Variants in TRPM6 observed in about 807,000 individuals in gnomAD.
TRPM6 encodes channel kinase 2.
A neutral mutation model predicts 247.6 loss-of-function variants in TRPM6; 111 were observed. That is an observed-to-expected ratio of 0.45 (90% CI 0.38 to 0.52). The LOEUF (loss-of-function observed/expected upper bound fraction) is 0.52. Ranked by LOEUF, TRPM6 falls within the 20% of genes least tolerant of loss-of-function variation. The pLI, the probability that TRPM6 is intolerant of heterozygous loss-of-function variation, is 0.00. For synonymous variants in TRPM6, 892 were observed against 853.8 expected, an observed-to-expected ratio of 1.04 and a Z score of -0.78; for missense variants, 2,126 against 2,421.5, an observed-to-expected ratio of 0.88 and a Z score of 2.56.
intron 28 of TRPM6, among the ~76,000 whole-genome samples, chr9:74,755,143 C>T (rs1172347798): frequency 6.6e-6 from 1 of 152,160 alleles, no homozygotes; most frequent in Non-Finnish European, 1.5e-5. Flanking sequence ...CTTAATTTTT[C>T]TTTTCTGGAG....
At chr9:74,829,167 C>T (rs761677830) in intron 6 of TRPM6, among the ~76,000 whole-genome samples, 1 of 152,022 alleles carries the variant, frequency 6.6e-6, no homozygotes, top group Non-Finnish European at 1.5e-5. Context: ...GTGGCATGCG[C>T]CTGTAGTCCA....
At chr9:74,736,242 C>T (rs1370259246) in intron 36 of TRPM6, among the ~76,000 whole-genome samples, 1 of 152,160 alleles carries the variant, frequency 6.6e-6, no homozygotes, top group Non-Finnish European at 1.5e-5. Context: ...AAGGTGGTTG[C>T]TCCTCCGTGT....
intron 1 of TRPM6, among the ~76,000 whole-genome samples, chr9:74,870,281 C>G (rs1203375618): frequency 2.6e-5 from 4 of 152,144 alleles, no homozygotes; most frequent in African/African-American, 4.8e-5. Context: ...TCCTGAAACA[C>G]AGCATTGCAG....
chr9:74,792,644 C>A lies in TRPM6; in HGVS notation c.2518G>T (p.Val840Phe). Residue 840 changes from valine to phenylalanine, a missense_variant, in exon 19 of 39, where the codon GTC becomes TTC. Val to Phe is a conservative substitution (Grantham distance 50). Transcript: ENST00000360774. ...CCAACCGTATAAAACCAAAACTTGA[C>A]AATTGGAGCACTGTAGAACTCATAG... The part of the protein sequence containing the change: ...KVYEFYSAPI[V>F]KFWFYTMAYL... 1 of 1,614,092 alleles carries A rather than the reference C, an allele frequency of 6.2e-7. No homozygotes were observed. Among genetic ancestry groups the A allele is most frequent in the Non-Finnish European group, 8.5e-7 (1 of 1,179,998 alleles).
chr9:74,796,947 T>A, intron 17 of TRPM6, 54 bp from the exon 18 acceptor site: 1 of 1,470,718 alleles, frequency 6.8e-7, no homozygotes, highest in Non-Finnish European at 9.5e-7. Context: ...AAGCACATAC[T>A]AGACAAATAA....
intron 31 of TRPM6, among the ~76,000 whole-genome samples, chr9:74,747,572 G>A (rs1348563478): frequency 1.3e-5 from 2 of 152,174 alleles, no homozygotes; most frequent in Admixed American, 6.5e-5. Flanking sequence ...CTCTTAATGA[G>A]TAATGTGTGA....
intron 6 of TRPM6, among the ~76,000 whole-genome samples, chr9:74,831,528 A>G (rs1160022797): frequency 1.3e-5 from 2 of 152,256 alleles, no homozygotes; most frequent in Middle Eastern, 6.8e-3. Flanking sequence ...GTCCCACTAA[A>G]AGCAAACAGC....
Position 74,738,457 on chromosome 9 carries a change from T to C in TRPM6, c.5726A>G (p.His1909Arg), listed in dbSNP as rs1480250286. 6.2e-7 allele frequency: 1 copy of C among 1,614,090 alleles called. No homozygotes were observed. Among genetic ancestry groups the C allele is most frequent in the South Asian group, 1.1e-5 (1 of 91,082 alleles). The change falls in exon 36 of 39, where the codon CAC becomes CGC. Residue 1909 changes from histidine (H) to arginine (R), a missense_variant. Transcript: ENST00000360774. The part of the protein sequence containing the change: ...TLEELMLAFS[H>R]WTYEYTRGEL... ...TCCCCGAGTGTACTCATAGGTCCAGTGAGAGAAAGCCAACATCAGCTCCTC... is the reference window on the plus strand; with the variant it reads ...TCCCCGAGTGTACTCATAGGTCCAGCGAGAGAAAGCCAACATCAGCTCCTC...
In TRPM6 at chr9:74,871,239, C is replaced by G. The variant is rs145224018; in HGVS notation, c.34-12491G>C. On this transcript the variant is annotated intron_variant, in intron 1 of 38. Coordinates refer to ENST00000360774, the MANE Select transcript of TRPM6 (RefSeq NM_017662.5). ...AATCCGGGAAGTACATCAGGTGATA[C>G]AGGGAAAAGTTAAATTTCCCTCCCA... 2.1e-3 allele frequency among the ~76,000 whole-genome samples: 324 copies of G among 152,238 alleles called. 1 individual carries two copies. Among genetic ancestry groups the G allele is most frequent in the Non-Finnish European group, 3.9e-3 (265 of 68,020 alleles).
intron 29 of TRPM6, among the ~76,000 whole-genome samples, chr9:74,751,643 C>T (rs1826250321): frequency 6.6e-6 from 1 of 152,136 alleles, no homozygotes. Flanking sequence ...CAAAACAAGG[C>T]CCATATTTTT....
chr9:74,776,173 C>T, intron 23 of TRPM6, 97 bp from the exon 24 acceptor site: 2 of 1,062,338 alleles, frequency 1.9e-6, no homozygotes, highest in Non-Finnish European at 2.9e-6. Flanking sequence ...GCTCACCTGA[C>T]ATTACCGGCA....
chr9:74,762,625 G>C lies in TRPM6; in HGVS notation c.4046C>G (p.Ser1349Cys), dbSNP rs770245807. The change falls in exon 26 of 39, where the codon TCT (serine) becomes TGT (cysteine). Residue 1349 changes from serine to cysteine, a missense_variant. By Grantham distance (112) the Ser-to-Cys change is moderately radical. This residue lies in a region of TRPM6 where 717 missense variants were observed against 715.9 expected (regional missense o/e 1.00). Transcript: ENST00000360774. ...TGAAAAAGGAACTCGCTTTAGATTA[G>C]AGGGGACCAGAAGAAACTGGCCATA... ...SKYGQFLLVP[S>C]NLKRVPFSAE... 4 of 1,614,202 alleles carry C rather than the reference G, an allele frequency of 2.5e-6. No homozygotes were observed. In the South Asian group the frequency reaches 3.3e-5, roughly 13 times the overall value.
At chr9:74,857,970 C>T (rs1830577778) in intron 2 of TRPM6, among the ~76,000 whole-genome samples, 1 of 152,124 alleles carries the variant, frequency 6.6e-6, no homozygotes, top group Admixed American at 6.6e-5. Context: ...ATGGATGTAA[C>T]ACTAGATATT....
intron 28 of TRPM6, among the ~76,000 whole-genome samples, chr9:74,754,767 T>C (rs1423511022): frequency 1.3e-5 from 2 of 152,352 alleles, no homozygotes; most frequent in Middle Eastern, 3.4e-3. Context: ...TTCCTATCAT[T>C]GCTATCTTTT....
rs5898380 is a variant in TRPM6 at position 74,800,902 on chromosome 9, G to GTTTTT, written c.2010-421_2010-420insAAAAA. Among the ~76,000 whole-genome samples, 37 of 127,026 alleles carry GTTTTT rather than the reference G, an allele frequency of 2.9e-4. 1 individual carries two copies. The highest frequency in any genetic ancestry group is 9.1e-4 in the African/African-American group (28 of 30,938). 83.3% of individuals were successfully genotyped at this position (127,026 alleles called of 152,430 possible). A position where few individuals can be genotyped will look rare whatever the true frequency, so the allele number is the denominator to read the frequency against. The stretch of plus-strand genomic sequence containing the variant: ...ACTCCCTGATAAGACCTAATAAAGT[G>GTTTTT]TGTTTTTTTTTTTTTTTTTGACAAA... On this transcript the variant is annotated intron_variant, in intron 16 of 38. Transcript: ENST00000360774.
intron 1 of TRPM6, among the ~76,000 whole-genome samples, chr9:74,864,820 C>T (rs1328237389): frequency 6.6e-6 from 1 of 152,070 alleles, no homozygotes. Flanking sequence ...TGCCTGAATC[C>T]CTGTACTTTG....
intron 1 of TRPM6, chr9:74,875,225 T>TA: frequency 2.2e-6 from 1 of 456,138 alleles, no homozygotes; most frequent in Non-Finnish European, 4.4e-6. Flanking sequence ...GCCTGCACCT[T>TA]ACAGCAACTC....
intron 21 of TRPM6, among the ~76,000 whole-genome samples, chr9:74,785,590 TC>T (rs1827618545): frequency 6.6e-6 from 1 of 152,110 alleles, no homozygotes; most frequent in Non-Finnish European, 1.5e-5. Flanking sequence ...TGGCGCAATC[TC>T]GGCTCACTGC....
chr9:74,797,446 C>T (rs1828139578), intron 17 of TRPM6, among the ~76,000 whole-genome samples: 1 of 152,056 alleles, frequency 6.6e-6, no homozygotes, highest in African/African-American at 2.4e-5. Flanking sequence ...TACTTTAAAG[C>T]ATCTCTAAAT....
Sources: gnomAD v4.1 joint callset for allele counts (sites outside exome capture counted in the v4.1 genomes callset) on GRCh38, gnomAD v4.1.1 for gene constraint, gnomAD v4.1.1 regional missense constraint, MANE v1.5 for transcripts, NCBI Gene and HGNC (gene_info 2026-07-23, HGNC 2026-07-21) for gene names.